The following SAMD3 variants were observed in gnomAD, a reference collection of about 807,000 sequenced individuals.
SAMD3 encodes sterile alpha motif domain-containing protein 3.
A neutral mutation model predicts 58.5 loss-of-function variants in SAMD3; 63 were observed. The ratio of observed to expected loss-of-function variants is 1.08; its 90% confidence interval spans 0.88 to 1.33. The LOEUF is 1.33. Ranked by LOEUF, SAMD3 falls within the 40% of genes most tolerant of loss-of-function variation. The probability of loss-of-function intolerance (pLI) is 0.00; values close to 1 mark genes in which losing one functional copy is unlikely to be tolerated. For missense variants in SAMD3, 604 were observed against 608.4 expected (o/e 0.99, Z 0.08); for synonymous variants, 220 against 210.3 (o/e 1.05, Z -0.40).
chr6:130,253,428 G>T (rs1042117602), intron 2 of SAMD3, among the ~76,000 whole-genome samples: 2 of 152,038 alleles, frequency 1.3e-5, no homozygotes, highest in African/African-American at 4.8e-5. Context: ...TTATTGATAT[G>T]ATAATATCTT....
intron 2 of SAMD3, among the ~76,000 whole-genome samples, chr6:130,302,861 A>G (rs1281604811): frequency 6.6e-6 from 1 of 152,222 alleles, no homozygotes; most frequent in Non-Finnish European, 1.5e-5. Flanking sequence ...TATAAGTAAG[A>G]GCTAAACAAT....
At chr6:130,212,465 G>A (rs1019587640) in intron 4 of SAMD3, among the ~76,000 whole-genome samples, 4 of 152,286 alleles carry the variant, frequency 2.6e-5, no homozygotes, top group Non-Finnish European at 4.4e-5. Flanking sequence ...AGTTAACAAA[G>A]TTTCATACTT....
chr6:130,252,511 G>T (rs1424082405), intron 2 of SAMD3, among the ~76,000 whole-genome samples: 1 of 152,128 alleles, frequency 6.6e-6, no homozygotes, highest in African/African-American at 2.4e-5. Flanking sequence ...AGCTCACTGG[G>T]GGGTGAAAAC....
intron 2 of SAMD3, among the ~76,000 whole-genome samples, chr6:130,250,754 T>C (rs1773710847): frequency 1.3e-5 from 2 of 152,248 alleles, no homozygotes; most frequent in African/African-American, 4.8e-5. Context: ...ATTCATATTA[T>C]AGCATGGATA....
intron 7 of SAMD3, 123 bp downstream of exon 7, chr6:130,183,980 G>T: frequency 1.4e-6 from 1 of 740,664 alleles, no homozygotes. Context: ...TACATAGACA[G>T]AATGAGAGAG....
chr6:130,252,332 TAA>T (rs1380902671), intron 2 of SAMD3, among the ~76,000 whole-genome samples: 2 of 152,170 alleles, frequency 1.3e-5, no homozygotes, highest in African/African-American at 4.8e-5. Flanking sequence ...ATAATTAGAG[TAA>T]GCTTTTTTCT....
chr6:130,218,085 T>C (rs1338168605), intron 1 of SAMD3, among the ~76,000 whole-genome samples: 2 of 152,166 alleles, frequency 1.3e-5, no homozygotes, highest in Non-Finnish European at 2.9e-5. Context: ...GACTCTCTCT[T>C]TAGTTCAGCT....
At chr6:130,231,640 T>A (rs1248802600) in intron 2 of SAMD3, among the ~76,000 whole-genome samples, 2 of 152,226 alleles carry the variant, frequency 1.3e-5, no homozygotes, top group Non-Finnish European at 2.9e-5. Context: ...TAATTAGACA[T>A]ACCTTTTAAA....
At chr6:130,292,271 CT>C (rs397885432) in intron 2 of SAMD3, among the ~76,000 whole-genome samples, 82 of 114,076 alleles carry the variant, frequency 7.2e-4, no homozygotes, top group Non-Finnish European at 9.7e-4. Context: ...TTCTTTCTTT[CT>C]TTTTTTTTTT....
At chr6:130,281,919 G>C (rs138140353) in intron 2 of SAMD3, among the ~76,000 whole-genome samples, 2 of 151,866 alleles carry the variant, frequency 1.3e-5, no homozygotes, top group Non-Finnish European at 2.9e-5. Flanking sequence ...AAGCTTATGC[G>C]CCAGTGGAAT....
chr6:130,224,707 C>T (rs1796339794), upstream of SAMD3, among the ~76,000 whole-genome samples: 1 of 151,828 alleles, frequency 6.6e-6, no homozygotes, highest in South Asian at 2.1e-4. Flanking sequence ...CAACTTCCAC[C>T]TCCTGGGTTT....
intron 1 of SAMD3, among the ~76,000 whole-genome samples, chr6:130,331,923 C>A (rs575647673): frequency 6.6e-6 from 1 of 152,292 alleles, no homozygotes; most frequent in East Asian, 1.9e-4. Flanking sequence ...GTAGGCTCTG[C>A]AATCATTAGG....
intron 2 of SAMD3, among the ~76,000 whole-genome samples, chr6:130,245,218 G>A (rs1220512833): frequency 6.6e-6 from 1 of 152,214 alleles, no homozygotes; most frequent in Non-Finnish European, 1.5e-5. Flanking sequence ...GTGGTTAAAA[G>A]TTGTTTCTGC....
Position 130,354,066 on chromosome 6 carries a change from G to A in SAMD3, c.-304+11054C>T, listed in dbSNP as rs532885798. 3.3e-5 allele frequency among the ~76,000 whole-genome samples: 5 copies of A among 152,276 alleles called. No individual in the cohort carries two copies. The East Asian group carries it at 9.7e-4, about 29-fold the overall frequency. ...ACATACATGCAGCCAACGAGCATAT[G>A]AAAACAAGCTCAACATCACTGATCA... On this transcript the variant is annotated intron_variant, in intron 1 of 13. Coordinates refer to the SAMD3 transcript ENST00000368134.
At chr6:130,354,293 C>T (rs1777763006) in intron 1 of SAMD3, among the ~76,000 whole-genome samples, 1 of 152,106 alleles carries the variant, frequency 6.6e-6, no homozygotes, top group South Asian at 2.1e-4. Flanking sequence ...AAAAACAGAC[C>T]TACCATTTGA....
chr6:130,365,173 C>T, exon 1 of SAMD3: 1 of 985,302 alleles, frequency 1.0e-6, no homozygotes, highest in Non-Finnish European at 1.2e-6. Flanking sequence ...TTAGAGACGA[C>T]ATATTTTACT....
rs184503545 is a variant in SAMD3 at position 130,344,580 on chromosome 6, C to T, written c.-304+20540G>A. On this transcript the variant is annotated intron_variant, in intron 1 of 13. Transcript: ENST00000368134. ...TATTTTTAATAAAGATGGGGATTCG[C>T]CATGTTGGCCAGGCTGGTCTTGAAG... 9.9e-5 allele frequency among the ~76,000 whole-genome samples: 15 copies of T among 152,072 alleles called. 1 individual carries two copies. The highest frequency in any genetic ancestry group is 3.4e-4 in the African/African-American group (14 of 41,490).
chr6:130,345,456 G>T (rs1777416530), intron 1 of SAMD3, among the ~76,000 whole-genome samples: 1 of 152,152 alleles, frequency 6.6e-6, no homozygotes, highest in Non-Finnish European at 1.5e-5. Context: ...AACAGGAGAA[G>T]CTGTGTTAAT....
chr6:130,291,912 T>C (rs1775375711), intron 2 of SAMD3, among the ~76,000 whole-genome samples: 1 of 152,172 alleles, frequency 6.6e-6, no homozygotes, highest in Non-Finnish European at 1.5e-5. Flanking sequence ...TTATATATTA[T>C]GTCTAAGTGT....
Sources: allele counts gnomAD v4.1 joint callset (sites outside exome capture counted in the v4.1 genomes callset), GRCh38; gene constraint gnomAD v4.1.1; transcripts MANE v1.5; gene names NCBI Gene and HGNC (gene_info 2026-07-23, HGNC 2026-07-21).